DOCK3: variants seen among roughly 807,000 people sequenced by gnomAD.
DOCK3 encodes the protein dedicator of cytokinesis 3, also known as dedicator of cytokinesis protein 3.
A neutral mutation model predicts 265.6 loss-of-function variants in DOCK3; 60 were observed. That is an observed-to-expected ratio of 0.23 (90% CI 0.18 to 0.28). The LOEUF is 0.28. DOCK3 is among the 10% of genes least tolerant of loss of function. DOCK3 has a pLI of 1.00. For missense variants in DOCK3, 1,981 were observed against 2,594.3 expected, an observed-to-expected ratio of 0.76 and a Z score of 5.14; for synonymous variants, 881 against 938.0, an observed-to-expected ratio of 0.94 and a Z score of 1.11.
At position 51,090,269 on chromosome 3, in the gene DOCK3, A is replaced by G; in HGVS notation, c.631A>G (p.Met211Val). The G allele has an allele frequency of 1.3e-6, 2 of 1,598,608 alleles. No individual in the cohort carries two copies. The highest frequency in any genetic ancestry group is 1.7e-6 in the Non-Finnish European group (2 of 1,172,162). The change falls in exon 9 of 53, where the codon ATG (methionine) becomes GTG (valine). Residue 211 changes from methionine to valine, a missense_variant. Around this residue, in one of 4 missense-constraint regions of DOCK3, gnomAD observed 456 missense variants for 539.0 expected, o/e 0.85. Transcript: ENST00000266037. Reference protein sequence around the residue: ...MRPRHGETCRMPVPHHFFLSL... With the variant: ...MRPRHGETCRVPVPHHFFLSL... ...CCCACGTCATGGGGAAACATGTCGG[A>G]TGCCAGTGCCACATCACTTCTTCCT...
intron 27 of DOCK3, among the ~76,000 whole-genome samples, chr3:51,288,220 C>T (rs138168680): frequency 1.4e-4 from 22 of 152,084 alleles, no homozygotes; most frequent in African/African-American, 3.6e-4. Context: ...GGTGAAACCC[C>T]GTCTCTACTA....
At chr3:51,362,719 TTCA>T in intron 49 of DOCK3, 45 bp downstream of exon 49, 1 of 1,599,206 alleles carries the variant, frequency 6.3e-7, no homozygotes, top group Non-Finnish European at 8.5e-7. Flanking sequence ...AAGAGAGGTC[TTCA>T]TCAACGCCAC....
chr3:50,779,227 C>A (rs934189846), intron 2 of DOCK3, among the ~76,000 whole-genome samples: 1 of 151,730 alleles, frequency 6.6e-6, no homozygotes, highest in South Asian at 2.1e-4. Flanking sequence ...ATATTTTGTG[C>A]CCTCTTACTT....
At chr3:50,785,824 A>G (rs545254583) in intron 2 of DOCK3, among the ~76,000 whole-genome samples, 2 of 152,272 alleles carry the variant, frequency 1.3e-5, no homozygotes, top group African/African-American at 4.8e-5. Context: ...TACTGGCTTT[A>G]TAGAATGATT....
chr3:50,755,123 C>G (rs1172335514), intron 1 of DOCK3, among the ~76,000 whole-genome samples: 5 of 152,188 alleles, frequency 3.3e-5, no homozygotes, highest in African/African-American at 1.2e-4. Context: ...AACGTGATCA[C>G]TGCTAATCAT....
At chr3:51,124,936 C>A (rs535512110) in intron 9 of DOCK3, among the ~76,000 whole-genome samples, 10 of 147,604 alleles carry the variant, frequency 6.8e-5, no homozygotes, top group Admixed American at 1.4e-4. Context: ...TCGAGACCAG[C>A]CTGGCCAACA....
At chr3:51,135,943 C>T (rs1291850911) in intron 9 of DOCK3, among the ~76,000 whole-genome samples, 1 of 152,126 alleles carries the variant, frequency 6.6e-6, no homozygotes, top group African/African-American at 2.4e-5. Context: ...CTCCTGGGCT[C>T]AAGTGATCCT....
At chr3:50,928,135 A>G (rs1338127535) in intron 4 of DOCK3, among the ~76,000 whole-genome samples, 2 of 114,424 alleles carry the variant, frequency 1.7e-5, no homozygotes, top group African/African-American at 8.6e-5. Context: ...GATGATATAT[A>G]TATATATATA....
chr3:50,809,793 A>G lies in DOCK3; in HGVS notation c.121+31035A>G, dbSNP rs572181514. On this transcript the variant is annotated intron_variant, in intron 2 of 52. Transcript: ENST00000266037. Reference sequence around the variant, plus strand: ...TTGAAAAAAGAAGCCAGATATGAGAATTAGTGTTATTATGATTTTGTGTAC... The same window carrying G: ...TTGAAAAAAGAAGCCAGATATGAGAGTTAGTGTTATTATGATTTTGTGTAC... 5.3e-5 allele frequency among the ~76,000 whole-genome samples: 8 copies of G among 152,300 alleles called. No homozygotes were observed. In the South Asian group the frequency reaches 1.2e-3, roughly 24 times the overall value.
At chr3:50,911,043 A>G (rs1305564733) in intron 4 of DOCK3, among the ~76,000 whole-genome samples, 1 of 151,348 alleles carries the variant, frequency 6.6e-6, no homozygotes, top group Admixed American at 6.6e-5. Flanking sequence ...TGAGTTCATT[A>G]TATATGGTGG....
intron 4 of DOCK3, among the ~76,000 whole-genome samples, chr3:50,907,337 A>G (rs2049575377): frequency 6.6e-6 from 1 of 151,958 alleles, no homozygotes; most frequent in Admixed American, 6.6e-5. Context: ...TGATCTGTCT[A>G]ATGTTGACAG....
chr3:51,096,119 T>A (rs1229528200), intron 9 of DOCK3, among the ~76,000 whole-genome samples: 1 of 152,146 alleles, frequency 6.6e-6, no homozygotes, highest in African/African-American at 2.4e-5. Flanking sequence ...GTCTTGGGGT[T>A]GCTCTTCTCA....
intron 2 of DOCK3, among the ~76,000 whole-genome samples, chr3:50,828,486 ACT>A (rs1224563603): frequency 6.7e-6 from 1 of 150,276 alleles, no homozygotes; most frequent in Non-Finnish European, 1.5e-5. Flanking sequence ...CTCACTGCAA[ACT>A]CTGCCTCCTG....
chr3:51,156,774 C>G (rs116834003), intron 10 of DOCK3, among the ~76,000 whole-genome samples: 2 of 152,132 alleles, frequency 1.3e-5, no homozygotes, highest in Non-Finnish European at 2.9e-5. Flanking sequence ...ATTCACTCAG[C>G]AGAGTCAAGG....
chr3:51,104,785 T>G (rs1270465555), intron 9 of DOCK3, among the ~76,000 whole-genome samples: 1 of 152,220 alleles, frequency 6.6e-6, no homozygotes, highest in Non-Finnish European at 1.5e-5. Context: ...TTTTTAATTT[T>G]TAAAATGTTT....
chr3:50,704,079 A>T (rs1204143836), intron 1 of DOCK3, among the ~76,000 whole-genome samples: 1 of 151,884 alleles, frequency 6.6e-6, no homozygotes, highest in Non-Finnish European at 1.5e-5. Context: ...ATTTATTTGT[A>T]CAGTTTCCAA....
intron 27 of DOCK3, among the ~76,000 whole-genome samples, chr3:51,297,992 A>C (rs2082190492): frequency 6.6e-6 from 1 of 152,096 alleles, no homozygotes; most frequent in Non-Finnish European, 1.5e-5. Flanking sequence ...TCTCAAAAAC[A>C]AAAAAAGAGT....
At chr3:50,692,917 A>T (rs149084992) in intron 1 of DOCK3, among the ~76,000 whole-genome samples, 3 of 152,254 alleles carry the variant, frequency 2.0e-5, no homozygotes, top group African/African-American at 7.2e-5. Flanking sequence ...CGTATGTGTT[A>T]TTACAAGGGT....
chr3:51,381,104 G>C lies in DOCK3; in HGVS notation c.5638G>C (p.Gly1880Arg). ...CACAAGCCCCCAGTCAGGTCTGGAC[G>C]GCAGCAACTCTACGCTGTCCGGCAG... is the stretch of plus-strand genomic sequence containing the variant. The part of the protein sequence containing the change: ...SPTSPQSGLD[G>R]SNSTLSGSAS... Residue 1880 changes from glycine to arginine, a missense_variant, in exon 53 of 53, where the codon GGC (glycine) becomes CGC (arginine). Physicochemically the swap from Gly to Arg is moderately radical, Grantham distance 125. Around this residue, in one of 4 missense-constraint regions of DOCK3, gnomAD observed 1,357 missense variants for 1,866.8 expected, o/e 0.73. Coordinates refer to ENST00000266037, the MANE Select transcript of DOCK3 (RefSeq NM_004947.5). This position sits in a 1 kb window ranked among gnomAD's most constrained non-coding sequence, Gnocchi z 5.6. 1 of 1,613,412 alleles carries C rather than the reference G, an allele frequency of 6.2e-7. No individual in the cohort carries two copies. The highest frequency in any genetic ancestry group is 1.1e-5 in the South Asian group (1 of 91,054).
Sources: gnomAD v4.1 joint callset for allele counts (sites outside exome capture counted in the v4.1 genomes callset) on GRCh38, gnomAD v4.1.1 for gene constraint, gnomAD v4.1.1 regional missense constraint, Gnocchi (gnomAD v3.1) non-coding constraint, MANE v1.5 for transcripts, NCBI Gene and HGNC (gene_info 2026-07-23, HGNC 2026-07-21) for gene names.